The following LYPD6 variants were observed in gnomAD, a reference collection of about 807,000 sequenced individuals.
The protein encoded by LYPD6 is LY6/PLAUR domain containing 6.
A neutral mutation model predicts 22.7 loss-of-function variants in LYPD6; 15 were observed. That is an observed-to-expected ratio of 0.66 (90% CI 0.44 to 1.02). The LOEUF is 1.02. Among genes scored for constraint, LYPD6 ranks in the 50% least tolerant of loss-of-function variants. LYPD6 has a pLI of 0.00. For synonymous variants in LYPD6, 72 were observed against 77.5 expected, an observed-to-expected ratio of 0.93 and a Z score of 0.37; for missense variants, 189 against 208.4, an observed-to-expected ratio of 0.91 and a Z score of 0.57.
intron 1 of LYPD6, among the ~76,000 whole-genome samples, chr2:149,359,017 C>G (rs372700271): frequency 6.6e-6 from 1 of 152,090 alleles, no homozygotes; most frequent in Non-Finnish European, 1.5e-5. Flanking sequence ...AATATACTTA[C>G]GTCCTCCATC....
chr2:149,394,145 C>A (rs1195257859), intron 1 of LYPD6, among the ~76,000 whole-genome samples: 1 of 152,222 alleles, frequency 6.6e-6, no homozygotes, highest in Non-Finnish European at 1.5e-5. Flanking sequence ...TGCTTCAACT[C>A]TTAACTCACA....
intron 1 of LYPD6, among the ~76,000 whole-genome samples, chr2:149,392,753 C>T (rs1414104359): frequency 2.0e-5 from 3 of 152,152 alleles, no homozygotes; most frequent in Admixed American, 6.6e-5. Context: ...TGGCTGGGCG[C>T]GGTGGCTCAT....
chr2:149,405,085 C>G (rs908052546), intron 1 of LYPD6, among the ~76,000 whole-genome samples: 159 of 152,170 alleles, frequency 1.0e-3, no homozygotes, highest in Non-Finnish European at 1.9e-3. Flanking sequence ...AGATGAAGCC[C>G]ACTTGATCAT....
intron 1 of LYPD6, among the ~76,000 whole-genome samples, chr2:149,421,386 T>A (rs913835552): frequency 4.5e-5 from 5 of 110,992 alleles, no homozygotes; most frequent in Admixed American, 3.0e-4. Flanking sequence ...CAAGACTCCA[T>A]CTCAAAAAAA....
intron 1 of LYPD6, among the ~76,000 whole-genome samples, chr2:149,333,271 G>A (rs1680972915): frequency 6.6e-6 from 1 of 152,202 alleles, no homozygotes. Flanking sequence ...GCAATAAGAA[G>A]CGTACAGATA....
chr2:149,437,318 T>G (rs1683454685), intron 1 of LYPD6, among the ~76,000 whole-genome samples: 1 of 152,142 alleles, frequency 6.6e-6, no homozygotes, highest in Admixed American at 6.5e-5. Flanking sequence ...GACTTCTTTA[T>G]CGTACTCTGG....
At chr2:149,480,735 C>T in the LYPD6 span, among the ~76,000 whole-genome samples, 2 of 152,148 alleles carry the variant, frequency 1.3e-5, no homozygotes, top group South Asian at 2.1e-4. Context: ...GTTGGGGGAG[C>T]GTTGCCCCAG....
intron 1 of LYPD6, among the ~76,000 whole-genome samples, chr2:149,387,503 C>CATG (rs1463108301): frequency 6.6e-6 from 1 of 152,124 alleles, no homozygotes; most frequent in African/African-American, 2.4e-5. Context: ...CTAAGATTTA[C>CATG]TTCATGGGAA....
intron 1 of LYPD6, among the ~76,000 whole-genome samples, chr2:149,341,173 G>A (rs1681153381): frequency 6.6e-6 from 1 of 152,068 alleles, no homozygotes; most frequent in African/African-American, 2.4e-5. Flanking sequence ...TTCCCGATCT[G>A]AATTAAAAGA....
At chr2:149,342,062 T>C (rs1559118343) in intron 1 of LYPD6, among the ~76,000 whole-genome samples, 1 of 152,194 alleles carries the variant, frequency 6.6e-6, no homozygotes, top group African/African-American at 2.4e-5. Context: ...TTAGAGACTC[T>C]ACTCTGCTGC....
chr2:149,365,727 G>T (rs1404032367), intron 1 of LYPD6, among the ~76,000 whole-genome samples: 1 of 152,104 alleles, frequency 6.6e-6, no homozygotes, highest in South Asian at 2.1e-4. Flanking sequence ...TACTACACTT[G>T]ATCTTAGCCA....
chr2:149,396,432 A>G (rs1399933390), intron 1 of LYPD6, among the ~76,000 whole-genome samples: 2 of 151,924 alleles, frequency 1.3e-5, no homozygotes, highest in Admixed American at 1.3e-4. Context: ...GTTCCTGAGT[A>G]TTACTATACC....
intron 1 of LYPD6, among the ~76,000 whole-genome samples, chr2:149,418,025 G>A (rs994821379): frequency 2.0e-5 from 3 of 152,168 alleles, no homozygotes; most frequent in Admixed American, 1.3e-4. Flanking sequence ...AATATTGGAG[G>A]AGAAATGCTT....
At chr2:149,330,338 C>T (rs1045121696), upstream of LYPD6, 5 of 151,696 alleles carry the variant, frequency 3.3e-5, no homozygotes, top group Non-Finnish European at 5.9e-5. Flanking sequence ...CCACCTGCGC[C>T]GGGCGGTCGG....
chr2:149,359,838 T>G (rs1681536921), intron 1 of LYPD6, among the ~76,000 whole-genome samples: 1 of 152,196 alleles, frequency 6.6e-6, no homozygotes, highest in South Asian at 2.1e-4. Flanking sequence ...AAGAGAGGGT[T>G]CCTGGACCTC....
chr2:149,455,490 C>T (rs1402367229), intron 3 of LYPD6, among the ~76,000 whole-genome samples: 7 of 152,078 alleles, frequency 4.6e-5, no homozygotes, highest in Non-Finnish European at 1.0e-4. Flanking sequence ...AATCTCCTGA[C>T]CTCGTGATCC....
intron 3 of LYPD6, among the ~76,000 whole-genome samples, chr2:149,457,083 A>G (rs1680974500): frequency 6.6e-6 from 1 of 152,224 alleles, no homozygotes; most frequent in South Asian, 2.1e-4. Flanking sequence ...TCTAGGACTT[A>G]TCATTCTTGT....
chr2:149,340,762 CTG>C (rs1405693230), intron 1 of LYPD6, among the ~76,000 whole-genome samples: 1 of 152,150 alleles, frequency 6.6e-6, no homozygotes, highest in African/African-American at 2.4e-5. Context: ...CTTTGATTAA[CTG>C]AAAGTGTGGC....
In LYPD6 at chr2:149,472,405, T is replaced by C. The variant is rs1200036230; in HGVS notation, c.*1555T>C. 6.6e-6 allele frequency: 1 copy of C among 152,628 alleles called. No homozygotes were observed. Among genetic ancestry groups the C allele is most frequent in the Non-Finnish European group, 1.5e-5 (1 of 68,044 alleles). 9.5% of individuals were successfully genotyped at this position (152,628 alleles called of 1,614,324 possible). ...GTGTGCAGGGTTTTCAGATGTGTTT[T>C]TGTGAAACTTGGTAGAACCATGGCT... is the stretch of plus-strand genomic sequence containing the variant. On this transcript the variant is annotated 3_prime_UTR_variant, in exon 5 of 5. Coordinates refer to ENST00000334166, the MANE Select transcript of LYPD6 (RefSeq NM_194317.5).
Sources: gnomAD v4.1 joint callset for allele counts (sites outside exome capture counted in the v4.1 genomes callset) on GRCh38, gnomAD v4.1.1 for gene constraint, MANE v1.5 for transcripts, NCBI Gene and HGNC (gene_info 2026-07-23, HGNC 2026-07-21) for gene names.